The following SLX9 variants were observed in gnomAD, a reference collection of about 807,000 sequenced individuals.
SLX9 encodes the protein ribosome biogenesis protein SLX9 homolog.
In SLX9, 19 loss-of-function variants were observed where a neutral mutation model predicts 20.8. The ratio of observed to expected loss-of-function variants is 0.91; its 90% confidence interval spans 0.64 to 1.34. The LOEUF is 1.34. SLX9 is among the 40% of genes most tolerant of loss of function. The probability of loss-of-function intolerance (pLI) is 0.00; values close to 1 mark genes in which losing one functional copy is unlikely to be tolerated. For missense variants in SLX9, 299 were observed against 322.2 expected (o/e 0.93, Z 0.55); for synonymous variants, 113 against 137.1 (o/e 0.82, Z 1.23).
chr21:44,954,385 C>T (rs1287978173), intron 2 of SLX9, among the ~76,000 whole-genome samples: 1 of 152,108 alleles, frequency 6.6e-6, no homozygotes, highest in Non-Finnish European at 1.5e-5. Flanking sequence ...TCTCCCAGGC[C>T]ACCTTCTCTC....
rs563576362 is a variant in SLX9 at position 44,951,672 on chromosome 21, C to T, written c.283+7835C>T. ...AAAAGCCAGGCCCTGCCCCCGGAGC[C>T]GCCCGAGCGCGCTGTGTGGGCACCA... On this transcript the variant is annotated intron_variant, in intron 2 of 5. Coordinates refer to ENST00000291634, the MANE Select transcript of SLX9 (RefSeq NM_058190.4). Among the ~76,000 whole-genome samples, 54 of 152,272 alleles carry T rather than the reference C, an allele frequency of 3.5e-4. 1 individual carries two copies. The South Asian group carries it at 0.011, about 30-fold the overall frequency.
chr21:44,958,851 A>ATTCC (rs1277435638), intron 2 of SLX9, among the ~76,000 whole-genome samples: 1 of 152,220 alleles, frequency 6.6e-6, no homozygotes, highest in Non-Finnish European at 1.5e-5. Flanking sequence ...AGAGCCGGGA[A>ATTCC]GGATCACTGT....
At chr21:44,948,126 A>T (rs181202607) in intron 2 of SLX9, among the ~76,000 whole-genome samples, 1 of 152,206 alleles carries the variant, frequency 6.6e-6, no homozygotes, top group South Asian at 2.1e-4. Flanking sequence ...CACGGCTCCA[A>T]TCCTTGGCAT....
chr21:44,974,680 C>T (rs1167861437), intron 5 of SLX9, among the ~76,000 whole-genome samples: 1 of 152,218 alleles, frequency 6.6e-6, no homozygotes, highest in Non-Finnish European at 1.5e-5. Context: ...ATCCTCCTGC[C>T]TCGGCCTCCT....
Position 44,943,704 on chromosome 21 carries a change from C to A in SLX9, c.150C>A (p.Thr50=). Residue 50 remains threonine, a synonymous_variant, in exon 2 of 6, where the codon ACC becomes ACA. Transcript: ENST00000291634. ...ATTAGGACTGGGCGTTCATCAACAC[C>A]AACATCTTTGCCAGGACCAAGATAG... ...AAGKDWAFIN[T]NIFARTKIDP... 1 of 1,614,140 alleles carries A rather than the reference C, an allele frequency of 6.2e-7. No homozygotes were observed. The highest frequency in any genetic ancestry group is 8.5e-7 in the Non-Finnish European group (1 of 1,180,002).
chr21:44,948,397 C>T (rs1601380268), intron 2 of SLX9, among the ~76,000 whole-genome samples: 1 of 151,816 alleles, frequency 6.6e-6, no homozygotes, highest in Non-Finnish European at 1.5e-5. Context: ...ATCGGGCGGT[C>T]CGGGGAGCTG....
At chr21:44,952,997 G>A (rs2146631652) in intron 2 of SLX9, among the ~76,000 whole-genome samples, 1 of 152,260 alleles carries the variant, frequency 6.6e-6, no homozygotes, top group East Asian at 1.9e-4. Flanking sequence ...TATTCTGGGT[G>A]TGGCACTCAT....
intron 3 of SLX9, among the ~76,000 whole-genome samples, chr21:44,961,500 T>C (rs1412221612): frequency 6.6e-6 from 1 of 152,200 alleles, no homozygotes; most frequent in Non-Finnish European, 1.5e-5. Flanking sequence ...GGTAGGAAGA[T>C]CGCTTCAACC....
At chr21:44,973,000 G>GATCAGGCA (rs56020414) in intron 4 of SLX9, 197 bp from the exon 5 acceptor site, 7 of 675,608 alleles carry the variant, frequency 1.0e-5, no homozygotes, top group South Asian at 5.6e-5. Context: ...GTCACAGGAC[G>GATCAGGCA]GTCAGGCAGT....
intron 1 of SLX9, among the ~76,000 whole-genome samples, chr21:44,941,036 A>ATT (rs937991586): frequency 1.4e-5 from 2 of 143,282 alleles, no homozygotes; most frequent in Admixed American, 1.4e-4. Context: ...TGAAATTTTC[A>ATT]TTTTTTTTGA....
chr21:44,939,956 C>T, upstream of SLX9: 1 of 1,261,552 alleles, frequency 7.9e-7, no homozygotes, highest in Non-Finnish European at 1.0e-6. Context: ...CCGGCGGCCG[C>T]GGGGCTCCCG....
At position 44,976,858 on chromosome 21, in the gene SLX9, G is replaced by A. The variant is rs1239799404; in HGVS notation, c.*55G>A. ...AGGACACATGTGGGCCAAGTAGAGA[G>A]CGCCGGCCCCTCAAGGACCATGGCC... is the stretch of plus-strand genomic sequence containing the variant. On this transcript the variant is annotated 3_prime_UTR_variant, in exon 6 of 6. Coordinates refer to ENST00000291634, the MANE Select transcript of SLX9 (RefSeq NM_058190.4). The A allele has an allele frequency of 2.0e-6, 3 of 1,534,036 alleles. No homozygotes were observed. Among genetic ancestry groups the A allele is most frequent in the Non-Finnish European group, 2.6e-6 (3 of 1,146,304 alleles).
chr21:44,947,026 G>T (rs548428000), intron 2 of SLX9, among the ~76,000 whole-genome samples: 1 of 152,318 alleles, frequency 6.6e-6, no homozygotes, highest in East Asian at 1.9e-4. Flanking sequence ...TCAGGCCTCC[G>T]AGGTATCCAG....
intron 3 of SLX9, among the ~76,000 whole-genome samples, chr21:44,962,842 A>G (rs904489967): frequency 6.6e-6 from 1 of 151,902 alleles, no homozygotes; most frequent in South Asian, 2.1e-4. Flanking sequence ...CCGTCTCCTC[A>G]GCCTCGGCCG....
intron 4 of SLX9, among the ~76,000 whole-genome samples, chr21:44,972,595 G>A (rs1258737352): frequency 6.6e-6 from 1 of 152,194 alleles, no homozygotes; most frequent in East Asian, 1.9e-4. Context: ...ATCTACGGTG[G>A]GTCCACGCCC....
At chr21:44,957,727 G>C (rs977957330) in intron 2 of SLX9, among the ~76,000 whole-genome samples, 8 of 152,244 alleles carry the variant, frequency 5.3e-5, no homozygotes, top group East Asian at 1.9e-4. Flanking sequence ...CTCTGTCTTG[G>C]GGGGGTCCTG....
intron 2 of SLX9, among the ~76,000 whole-genome samples, chr21:44,955,803 G>C (rs2838743): frequency 0.16 from 24,726 of 152,278 alleles, 2,087 homozygotes; most frequent in Admixed American, 0.22. Context: ...TCTATAGGGA[G>C]TGTGGGCCAT....
upstream of SLX9, chr21:44,940,023 G>A (rs1056251969): frequency 1.6e-5 from 23 of 1,395,626 alleles, no homozygotes; most frequent in Admixed American, 1.8e-4. Context: ...GCTTCCGGGA[G>A]GCGCTCCGCA....
intron 3 of SLX9, among the ~76,000 whole-genome samples, chr21:44,966,375 G>A (rs1234475413): frequency 6.6e-6 from 1 of 152,220 alleles, no homozygotes; most frequent in Non-Finnish European, 1.5e-5. Context: ...AAGAGAGCAG[G>A]CCGTCCGCGC....
Sources: gnomAD v4.1 joint callset for allele counts (sites outside exome capture counted in the v4.1 genomes callset) on GRCh38, gnomAD v4.1.1 for gene constraint, MANE v1.5 for transcripts, NCBI Gene and HGNC (gene_info 2026-07-23, HGNC 2026-07-21) for gene names.